Variants in NHEJ1 observed in about 807,000 individuals in gnomAD.
The protein encoded by NHEJ1 is non-homologous end-joining factor 1.
In NHEJ1, 22 loss-of-function variants were observed where a neutral mutation model predicts 39.4. That is an observed-to-expected ratio of 0.56 (90% CI 0.40 to 0.80). The LOEUF (loss-of-function observed/expected upper bound fraction) is 0.80, where lower values mean the gene tolerates loss of function less well. NHEJ1 is among the 30% of genes least tolerant of loss of function. The probability of loss-of-function intolerance (pLI) is 0.00; values close to 1 mark genes in which losing one functional copy is unlikely to be tolerated. For synonymous variants in NHEJ1, 154 were observed against 135.6 expected, an observed-to-expected ratio of 1.14 and a Z score of -0.94; for missense variants, 329 against 357.1, an observed-to-expected ratio of 0.92 and a Z score of 0.63.
chr2:219,132,854 A>G (rs1256825889), intron 5 of NHEJ1, among the ~76,000 whole-genome samples: 3 of 152,206 alleles, frequency 2.0e-5, no homozygotes, highest in African/African-American at 7.2e-5. Context: ...TGTATTTAGA[A>G]TATTCTTTGT....
chr2:219,117,760 G>A (rs756530477), intron 5 of NHEJ1, among the ~76,000 whole-genome samples: 4 of 152,202 alleles, frequency 2.6e-5, no homozygotes, highest in Non-Finnish European at 4.4e-5. Context: ...TTAGCTGTGC[G>A]ACTTTGGACA....
intron 1 of NHEJ1, among the ~76,000 whole-genome samples, chr2:219,159,554 T>TATATATATGC (rs763798656): frequency 5.7e-4 from 32 of 56,326 alleles, no homozygotes; most frequent in African/African-American, 1.4e-3. Context: ...TATATATGCA[T>TATATATATGC]ATATATATGC....
intron 3 of NHEJ1, among the ~76,000 whole-genome samples, chr2:219,156,680 T>C (rs574690514): frequency 6.6e-6 from 1 of 152,374 alleles, no homozygotes; most frequent in East Asian, 1.9e-4. Context: ...TCAATCTCAG[T>C]ATTCTACTCT....
chr2:219,104,710 C>A (rs749498593), intron 5 of NHEJ1, among the ~76,000 whole-genome samples: 37 of 120,960 alleles, frequency 3.1e-4, no homozygotes, highest in Non-Finnish European at 6.0e-4. Flanking sequence ...CACCCCCCCA[C>A]ACACACAAAA....
intron 5 of NHEJ1, among the ~76,000 whole-genome samples, chr2:219,133,227 T>C (rs1006054871): frequency 6.6e-6 from 1 of 152,262 alleles, no homozygotes. Context: ...TGGCCCACTA[T>C]GCAAAAGAAA....
At position 219,132,650 on chromosome 2, in the gene NHEJ1, G is replaced by A. The variant is rs562928472; in HGVS notation, c.588+14030C>T. ...ACTTCAGGAAAGCCCCTTAGATTGT[G>A]TAACTCAGTGAAAGATCTAGCTGTG... On this transcript the variant is annotated intron_variant, in intron 5 of 7. Coordinates refer to ENST00000356853, the MANE Select transcript of NHEJ1 (RefSeq NM_024782.3). 8.5e-5 allele frequency among the ~76,000 whole-genome samples: 13 copies of A among 152,306 alleles called. No individual in the cohort carries two copies. In the South Asian group the frequency reaches 2.3e-3, roughly 27 times the overall value.
intron 5 of NHEJ1, among the ~76,000 whole-genome samples, chr2:219,141,236 T>C (rs6747295): frequency 0.53 from 80,278 of 151,694 alleles, 22,733 homozygotes; most frequent in Non-Finnish European, 0.64. Context: ...AAAAATTAGC[T>C]GGGCGTGGTG....
intron 3 of NHEJ1, among the ~76,000 whole-genome samples, chr2:219,156,056 T>C (rs1949852111): frequency 2.0e-5 from 3 of 151,998 alleles, no homozygotes; most frequent in Non-Finnish European, 4.4e-5. Flanking sequence ...GAGACCATCC[T>C]GGCTAACACA....
At chr2:219,127,499 G>A (rs1474038378) in intron 5 of NHEJ1, among the ~76,000 whole-genome samples, 1 of 152,182 alleles carries the variant, frequency 6.6e-6, no homozygotes, top group Non-Finnish European at 1.5e-5. Context: ...TCCAAAGAGG[G>A]CTGTCAAGTA....
At chr2:219,118,592 G>A (rs1372181403) in intron 5 of NHEJ1, among the ~76,000 whole-genome samples, 1 of 152,192 alleles carries the variant, frequency 6.6e-6, no homozygotes, top group Non-Finnish European at 1.5e-5. Flanking sequence ...ACGCCTCTGT[G>A]ATGGCTGTGT....
intron 2 of NHEJ1, among the ~76,000 whole-genome samples, 173 bp downstream of exon 2, chr2:219,157,989 TCTCACACACACACACACACACACA>T (rs1434500055): frequency 8.4e-5 from 10 of 119,068 alleles, no homozygotes; most frequent in African/African-American, 2.1e-4. Flanking sequence ...TCTCTCTCTC[TCTCACACACACACACACACACACA>T]CACACACACA....
chr2:219,082,136 ACT>A (rs1275016704), intron 5 of NHEJ1, among the ~76,000 whole-genome samples: 1 of 151,904 alleles, frequency 6.6e-6, no homozygotes, highest in Non-Finnish European at 1.5e-5. Context: ...ATTTACCTAA[ACT>A]CTTAGTACTT....
chr2:219,119,526 T>C (rs1398912379), intron 5 of NHEJ1, among the ~76,000 whole-genome samples: 1 of 151,454 alleles, frequency 6.6e-6, no homozygotes, highest in African/African-American at 2.4e-5. Context: ...AATCCCCCAC[T>C]CCCCCATCCC....
At chr2:219,152,783 A>ATT (rs58581556) in intron 3 of NHEJ1, among the ~76,000 whole-genome samples, 8,752 of 115,706 alleles carry the variant, frequency 0.076, 830 homozygotes, top group African/African-American at 0.22. Context: ...TCATTTATTT[A>ATT]TTTATTTTTA....
chr2:219,139,635 T>C lies in NHEJ1; in HGVS notation c.588+7045A>G, dbSNP rs553630131. Among the ~76,000 whole-genome samples, 7 of 152,262 alleles carry C rather than the reference T, an allele frequency of 4.6e-5. No homozygotes were observed. The South Asian group carries it at 1.2e-3, about 27-fold the overall frequency. Reference sequence around the variant, plus strand: ...CCAGATTCCTGACCCTCAGAAACCATGCAAGATAATAAATGTGTTTTTGGT... The same window carrying C: ...CCAGATTCCTGACCCTCAGAAACCACGCAAGATAATAAATGTGTTTTTGGT... On this transcript the variant is annotated intron_variant, in intron 5 of 7. Coordinates refer to ENST00000356853, the MANE Select transcript of NHEJ1 (RefSeq NM_024782.3).
At chr2:219,151,286 C>T (rs1160566687) in intron 3 of NHEJ1, among the ~76,000 whole-genome samples, 1 of 152,182 alleles carries the variant, frequency 6.6e-6, no homozygotes, top group East Asian at 1.9e-4. Context: ...GGCGGCAGCA[C>T]TGAAACAACA....
At chr2:219,090,105 T>C (rs1462847134) in intron 5 of NHEJ1, among the ~76,000 whole-genome samples, 1 of 152,220 alleles carries the variant, frequency 6.6e-6, no homozygotes, top group Non-Finnish European at 1.5e-5. Flanking sequence ...AAGGAATTCC[T>C]ACTAATGAGG....
At chr2:219,093,973 G>A (rs977120498) in intron 5 of NHEJ1, among the ~76,000 whole-genome samples, 2 of 152,220 alleles carry the variant, frequency 1.3e-5, no homozygotes, top group Non-Finnish European at 2.9e-5. Flanking sequence ...GGATTCTGAG[G>A]AGAGGCTCTA....
rs1949011385 is a variant in NHEJ1 at position 219,076,171 on chromosome 2, G to C, written c.*210C>G. ...AGAACCTCCACCAAAAGAGAGGAGA[G>C]CACGGGATTCTCAGAGACTGGCTTC... On this transcript the variant is annotated 3_prime_UTR_variant, in exon 8 of 8. Coordinates refer to ENST00000356853, the MANE Select transcript of NHEJ1 (RefSeq NM_024782.3). 9.1e-7 allele frequency: 1 copy of C among 1,096,304 alleles called. No homozygotes were observed. Among genetic ancestry groups the C allele is most frequent in the East Asian group, 2.6e-5 (1 of 38,772 alleles). 67.9% of individuals were successfully genotyped at this position (1,096,304 alleles called of 1,614,324 possible). A position where few individuals can be genotyped will look rare whatever the true frequency, so the allele number is the denominator to read the frequency against.
Sources: allele counts gnomAD v4.1 joint callset (sites outside exome capture counted in the v4.1 genomes callset), GRCh38; gene constraint gnomAD v4.1.1; transcripts MANE v1.5; gene names NCBI Gene and HGNC (gene_info 2026-07-23, HGNC 2026-07-21).